The following ATP1A3 variants were observed in gnomAD, a reference collection of about 807,000 sequenced individuals.
ATP1A3 encodes ATPase Na+/K+ transporting subunit alpha 3, also known as sodium/potassium-transporting ATPase subunit alpha-3.
In ATP1A3, 12 loss-of-function variants were observed where a neutral mutation model predicts 108.8. The observed-to-expected ratio is 0.11, with a 90% confidence interval of 0.07 to 0.18. ATP1A3 has a LOEUF of 0.18. ATP1A3 is among the 10% of genes least tolerant of loss of function. The pLI, the probability that ATP1A3 is intolerant of heterozygous loss-of-function variation, is 1.00. For missense variants in ATP1A3, 498 were observed against 1,387.7 expected (o/e 0.36, Z 10.19); for synonymous variants, 539 against 564.5 (o/e 0.95, Z 0.64).
rs1555865933 is a variant in ATP1A3, at chr19:41,987,857, A to C, written c.357+79T>G. On this transcript the variant is annotated intron_variant, in intron 4 of 22. Transcript: ENST00000648268. ...GGAGAGTGGGCTGTGAAAAGCTTAG[A>C]GGGATGGGAAGAAGTTGGGGTGCGG... is the stretch of plus-strand genomic sequence containing the variant. 13 of 1,535,288 alleles carry C rather than the reference A, an allele frequency of 8.5e-6. No homozygotes were observed. The African/African-American group carries it at 9.6e-5, about 11-fold the overall frequency.
At chr19:41,993,328 G>T in intron 1 of ATP1A3, 1 of 1,466,044 alleles carries the variant, frequency 6.8e-7, no homozygotes, top group Non-Finnish European at 9.2e-7. Flanking sequence ...ACACAGCCAG[G>T]CATGCACGCT....
rs1555863406 is a variant in ATP1A3 at position 41,981,646 on chromosome 19, G to A, written c.1303-10C>T. Reference sequence around the variant, plus strand: ...CCCCAGCCACATCCCTCTGCAAGGAGAAAGGGTTGTCAGAACAGGGACAGC... The same window carrying A: ...CCCCAGCCACATCCCTCTGCAAGGAAAAAGGGTTGTCAGAACAGGGACAGC... On this transcript the variant is annotated splice_polypyrimidine_tract_variant and intron_variant, in intron 10 of 22. Transcript: ENST00000648268. This position sits in a 1 kb window ranked among gnomAD's most constrained non-coding sequence, Gnocchi z 5.0. 1.2e-6 allele frequency: 2 copies of A among 1,614,220 alleles called. No individual in the cohort carries two copies. Among genetic ancestry groups the A allele is most frequent in the East Asian group, 4.5e-5 (2 of 44,888 alleles).
Position 41,978,383 on chromosome 19 carries a change from T to C in ATP1A3, c.1631-57A>G, listed in dbSNP as rs2075194902. ...TCCCAGCCTCGGAACCTCCGCCCCA[T>C]GCCCCTAGATGTCTGCATCGCCCGC... On this transcript the variant is annotated intron_variant, in intron 12 of 22. Transcript: ENST00000648268. This position sits in a 1 kb window ranked among gnomAD's most constrained non-coding sequence, Gnocchi z 8.3. The C allele has an allele frequency of 6.5e-7, 1 of 1,545,178 alleles. No homozygotes were observed. The highest frequency in any genetic ancestry group is 2.0e-5 in the Admixed American group (1 of 51,122).
chr19:41,984,639 T>G, intron 8 of ATP1A3: 1 of 419,270 alleles, frequency 2.4e-6, no homozygotes, highest in Non-Finnish European at 4.3e-6. Context: ...TTCTCAAGAT[T>G]TTTGTTTGTT....
chr19:41,994,022 G>A lies in ATP1A3; in HGVS notation c.6+49C>T, dbSNP rs936654296. On this transcript the variant is annotated intron_variant, in intron 1 of 22. Transcript: ENST00000648268. ...CCCCCCGCGCACACCCAATGTCACCGGCCCCACAATGTCACACGGAAGCGG... is the reference window on the plus strand; with the variant it reads ...CCCCCCGCGCACACCCAATGTCACCAGCCCCACAATGTCACACGGAAGCGG... 6.8e-6 allele frequency: 11 copies of A among 1,607,910 alleles called. No individual in the cohort carries two copies. The Admixed American group carries it at 1.2e-4, about 17-fold the overall frequency.
chr19:41,991,168 A>G (rs968890187), intron 1 of ATP1A3, among the ~76,000 whole-genome samples: 3 of 152,216 alleles, frequency 2.0e-5, no homozygotes, highest in Non-Finnish European at 4.4e-5. Flanking sequence ...GGCCGCTGAC[A>G]GGTCCCGCAG....
intron 1 of ATP1A3, chr19:41,993,154 A>ATCTTGGCGGCT: frequency 2.1e-5 from 1 of 47,648 alleles, no homozygotes; most frequent in Admixed American, 2.2e-4. Flanking sequence ...ACCTACCCCC[A>ATCTTGGCGGCT]CCCACCCCCT....
At chr19:41,982,856 T>C (rs113784572) in intron 8 of ATP1A3, among the ~76,000 whole-genome samples, 3 of 152,266 alleles carry the variant, frequency 2.0e-5, no homozygotes, top group African/African-American at 7.2e-5. Context: ...AGTTAATCTA[T>C]GCTGTTAGCA....
intron 8 of ATP1A3, among the ~76,000 whole-genome samples, chr19:41,983,558 GA>G (rs1402212178): frequency 1.4e-5 from 2 of 147,342 alleles, no homozygotes; most frequent in African/African-American, 5.0e-5. Context: ...AGCAGCCAGA[GA>G]AAAAATTTTT....
At chr19:41,980,054 G>A (rs923903886) in intron 11 of ATP1A3, among the ~76,000 whole-genome samples, 1 of 152,206 alleles carries the variant, frequency 6.6e-6, no homozygotes, top group Non-Finnish European at 1.5e-5. Flanking sequence ...TGGCTGGCTG[G>A]TGTTCAGATG....
chr19:41,966,894 C>T lies in ATP1A3; in HGVS notation c.*43G>A. 6.4e-7 allele frequency: 1 copy of T among 1,550,772 alleles called. No homozygotes were observed. Among genetic ancestry groups the T allele is most frequent in the Non-Finnish European group, 8.7e-7 (1 of 1,146,830 alleles). On this transcript the variant is annotated 3_prime_UTR_variant, in exon 23 of 23. Transcript: ENST00000648268. ...GGGGACTGACAGGGGCGGTCCTGGG[C>T]CTGGGGGACGGGGAAGAGATGGGCG...
chr19:41,970,342 G>A, intron 17 of ATP1A3, 34 bp from the exon 18 acceptor site: 2 of 1,613,948 alleles, frequency 1.2e-6, no homozygotes, highest in South Asian at 1.1e-5. Context: ...CCGGAGAGGG[G>A]AGGACTCCAC....
chr19:41,967,148 A>G lies in ATP1A3; in HGVS notation c.3013+101T>C. 1.3e-6 allele frequency: 2 copies of G among 1,584,088 alleles called. No homozygotes were observed. Among genetic ancestry groups the G allele is most frequent in the Non-Finnish European group, 1.7e-6 (2 of 1,165,288 alleles). The stretch of plus-strand genomic sequence containing the variant: ...GGGAAGAGAGAGAAGAGTGGGAACC[A>G]GGTGGCAGAGCCATCCAGCAGGGCG... On this transcript the variant is annotated intron_variant, in intron 22 of 22. Coordinates refer to ENST00000648268, the MANE Select transcript of ATP1A3 (RefSeq NM_152296.5). This position sits in a 1 kb window ranked among gnomAD's most constrained non-coding sequence, Gnocchi z 4.2.
Position 41,988,554 on chromosome 19 carries a change from T to C in ATP1A3, c.15A>G (p.Lys5=), listed in dbSNP as rs886054476. 14 of 1,614,194 alleles carry C rather than the reference T, an allele frequency of 8.7e-6. No homozygotes were observed. The East Asian group carries it at 3.1e-4, about 36-fold the overall frequency. MGDK[K]DDKDSPKKNK... ...TCTTCTTGGGTGAGTCCTTGTCATCTTTCTTGTCCTGCGAGGTGGCGATAC... is the reference window on the plus strand; with the variant it reads ...TCTTCTTGGGTGAGTCCTTGTCATCCTTCTTGTCCTGCGAGGTGGCGATAC... Residue 5 remains lysine (K), a synonymous_variant, in exon 2 of 23, where the codon AAA becomes AAG. Coordinates refer to ENST00000648268, the MANE Select transcript of ATP1A3 (RefSeq NM_152296.5). The surrounding 1 kb of genome is among the most constrained non-coding windows in gnomAD (Gnocchi z 5.3).
At chr19:41,986,052 C>G in intron 5 of ATP1A3, 54 bp from the exon 6 acceptor site, 1 of 1,614,146 alleles carries the variant, frequency 6.2e-7, no homozygotes, top group Non-Finnish European at 8.5e-7. Flanking sequence ...CTGGGGGTCA[C>G]TGGGCCCGGC....
At chr19:41,983,221 G>A (rs2075252478) in intron 8 of ATP1A3, among the ~76,000 whole-genome samples, 1 of 151,854 alleles carries the variant, frequency 6.6e-6, no homozygotes, top group African/African-American at 2.4e-5. Context: ...GGGATTACAG[G>A]CGCCCACCAT....
chr19:41,983,801 T>G lies in ATP1A3; in HGVS notation c.993+1117A>C, dbSNP rs193078803. ...TTTTTTTTTTTTTTTTGAGACAGAA[T>G]CTCGCTTTTGTCGCCCAGGCTGGAG... On this transcript the variant is annotated intron_variant, in intron 8 of 22. Coordinates refer to ENST00000648268, the MANE Select transcript of ATP1A3 (RefSeq NM_152296.5). Among the ~76,000 whole-genome samples the G allele has an allele frequency of 2.4e-4, 30 of 124,568 alleles. No homozygotes were observed. The Admixed American group carries it at 2.7e-3, about 11-fold the overall frequency. The allele number at this position is 124,568 out of a possible 152,430, so 81.7% of individuals were successfully genotyped here. A position where few individuals can be genotyped will look rare whatever the true frequency, so the allele number is the denominator to read the frequency against.
chr19:41,973,900 T>C (rs1555860446), intron 16 of ATP1A3, among the ~76,000 whole-genome samples: 3 of 152,094 alleles, frequency 2.0e-5, no homozygotes, highest in Admixed American at 6.5e-5. Context: ...TCCCAGCAAA[T>C]TGGGAGGCCA....
In ATP1A3 at chr19:41,970,673, C is replaced by G; in HGVS notation, c.2264-131G>C. On this transcript the variant is annotated intron_variant, in intron 16 of 22. Coordinates refer to ENST00000648268, the MANE Select transcript of ATP1A3 (RefSeq NM_152296.5). ...TTGAGACAGAGTCTCGCTGTGTTGCCCAGGCTGGAGTGCAGTGGTGCGATC... is the reference window on the plus strand; with the variant it reads ...TTGAGACAGAGTCTCGCTGTGTTGCGCAGGCTGGAGTGCAGTGGTGCGATC... 5.2e-6 allele frequency: 6 copies of G among 1,157,764 alleles called. No homozygotes were observed. In the South Asian group the frequency reaches 9.4e-5, roughly 18 times the overall value. The allele number at this position is 1,157,764 out of a possible 1,614,324, so 71.7% of individuals were successfully genotyped here.
Sources: gnomAD v4.1 joint callset for allele counts (sites outside exome capture counted in the v4.1 genomes callset) on GRCh38, gnomAD v4.1.1 for gene constraint, Gnocchi (gnomAD v3.1) non-coding constraint, MANE v1.5 for transcripts, NCBI Gene and HGNC (gene_info 2026-07-23, HGNC 2026-07-21) for gene names.